Variants in ZNF407 observed in about 807,000 individuals in gnomAD.
ZNF407 encodes the protein zinc finger protein 407.
Under a neutral mutation model 131.2 loss-of-function variants are expected in ZNF407, and 17 were observed. The ratio of observed to expected loss-of-function variants is 0.13; its 90% CI spans 0.09 to 0.19. The LOEUF (loss-of-function observed/expected upper bound fraction) is 0.19. ZNF407 is among the 10% of genes least tolerant of loss of function. ZNF407 has a pLI of 1.00. For synonymous variants in ZNF407, 1,156 were observed against 1,062.0 expected (o/e 1.09, Z -1.72); for missense variants, 2,681 against 2,830.6 (o/e 0.95, Z 1.20).
At chr18:74,980,315 T>C (rs1398989134) in intron 8 of ZNF407, among the ~76,000 whole-genome samples, 1 of 151,970 alleles carries the variant, frequency 6.6e-6, no homozygotes, top group Non-Finnish European at 1.5e-5. Context: ...TGAATTTCTT[T>C]TTGTTTTTTG....
intron 8 of ZNF407, among the ~76,000 whole-genome samples, chr18:75,028,667 A>C (rs1973200111): frequency 6.6e-6 from 1 of 152,166 alleles, no homozygotes; most frequent in Admixed American, 6.5e-5. Context: ...CTAGGTACTG[A>C]GATAGAAGGG....
chr18:74,822,270 T>A (rs748149254), intron 4 of ZNF407, among the ~76,000 whole-genome samples: 5 of 152,250 alleles, frequency 3.3e-5, no homozygotes, highest in Non-Finnish European at 7.3e-5. Context: ...TTTAGTTTAA[T>A]TAGATCCCAT....
chr18:75,018,667 A>T (rs553054411), intron 8 of ZNF407, among the ~76,000 whole-genome samples: 1 of 152,112 alleles, frequency 6.6e-6, no homozygotes, highest in Non-Finnish European at 1.5e-5. Context: ...AAAATCTGAA[A>T]TAAAAATTTT....
intron 3 of ZNF407, among the ~76,000 whole-genome samples, chr18:74,682,444 T>G (rs1032995995): frequency 6.6e-6 from 1 of 152,200 alleles, no homozygotes. Context: ...GCCATGTCCA[T>G]CATTCTTTTT....
At chr18:74,753,713 C>T (rs1381456255) in intron 3 of ZNF407, among the ~76,000 whole-genome samples, 10 of 152,132 alleles carry the variant, frequency 6.6e-5, no homozygotes, top group Admixed American at 5.9e-4. Flanking sequence ...CCAACTTGAT[C>T]GTGGTGGATA....
intron 8 of ZNF407, among the ~76,000 whole-genome samples, chr18:75,019,527 C>G (rs938508540): frequency 6.6e-6 from 1 of 151,988 alleles, no homozygotes; most frequent in Non-Finnish European, 1.5e-5. Context: ...CAAGCCATTC[C>G]TAGTAGTGTG....
chr18:75,015,279 G>A (rs1973029608), intron 8 of ZNF407, among the ~76,000 whole-genome samples: 1 of 151,778 alleles, frequency 6.6e-6, no homozygotes, highest in Non-Finnish European at 1.5e-5. Context: ...TGTACCATGT[G>A]TAAAATTACT....
At chr18:74,966,471 C>A (rs573301649) in intron 8 of ZNF407, among the ~76,000 whole-genome samples, 26 of 152,130 alleles carry the variant, frequency 1.7e-4, no homozygotes, top group African/African-American at 6.3e-4. Flanking sequence ...ATGGGTTCAC[C>A]GTAGGTATGT....
intron 4 of ZNF407, among the ~76,000 whole-genome samples, chr18:74,783,130 A>C (rs548871232): frequency 3.1e-4 from 47 of 152,342 alleles, no homozygotes; most frequent in Non-Finnish European, 5.6e-4. Context: ...CACATGCATT[A>C]TCTCAGTCCT....
intron 4 of ZNF407, among the ~76,000 whole-genome samples, chr18:74,818,379 A>G (rs1218625951): frequency 2.0e-5 from 3 of 151,910 alleles, no homozygotes; most frequent in Non-Finnish European, 4.4e-5. Context: ...TGTGTGCTAC[A>G]TTTTTTTTGA....
At chr18:74,952,729 G>A (rs528525014) in intron 8 of ZNF407, among the ~76,000 whole-genome samples, 3 of 152,290 alleles carry the variant, frequency 2.0e-5, no homozygotes, top group Admixed American at 6.5e-5. Context: ...AGTGTACAGT[G>A]TGATGTGTTT....
intron 4 of ZNF407, among the ~76,000 whole-genome samples, chr18:74,827,646 C>T (rs990149306): frequency 1.3e-5 from 2 of 152,140 alleles, no homozygotes; most frequent in Non-Finnish European, 2.9e-5. Flanking sequence ...GTCTCTTTCT[C>T]CAGCTGTCTG....
chr18:75,034,645 A>T (rs1406732492), intron 8 of ZNF407, among the ~76,000 whole-genome samples: 1 of 150,778 alleles, frequency 6.6e-6, no homozygotes, highest in Non-Finnish European at 1.5e-5. Flanking sequence ...GGATGTAGTG[A>T]TTATTGTTTG....
chr18:74,965,869 G>A (rs1162236709), intron 8 of ZNF407, among the ~76,000 whole-genome samples: 1 of 152,138 alleles, frequency 6.6e-6, no homozygotes, highest in African/African-American at 2.4e-5. Context: ...GTGAGATGAT[G>A]CAATATCTCA....
At chr18:74,890,117 T>C (rs1172711514) in intron 7 of ZNF407, 79 bp downstream of exon 7, 5 of 1,342,230 alleles carry the variant, frequency 3.7e-6, no homozygotes, top group East Asian at 5.8e-5. Context: ...CAATTAGAAG[T>C]GTAGTTTTTC....
intron 4 of ZNF407, among the ~76,000 whole-genome samples, chr18:74,801,180 T>A (rs991815904): frequency 8.5e-5 from 13 of 152,230 alleles, no homozygotes; most frequent in Admixed American, 3.9e-4. Context: ...AATTATCAAC[T>A]AATTTTTAAA....
At chr18:74,800,777 T>G (rs1970006577) in intron 4 of ZNF407, among the ~76,000 whole-genome samples, 1 of 152,142 alleles carries the variant, frequency 6.6e-6, no homozygotes, top group Non-Finnish European at 1.5e-5. Flanking sequence ...TCAGGAAATG[T>G]TTCTGAAATT....
intron 3 of ZNF407, among the ~76,000 whole-genome samples, chr18:74,701,226 C>T (rs1237467447): frequency 6.6e-6 from 1 of 152,100 alleles, no homozygotes; most frequent in Non-Finnish European, 1.5e-5. Flanking sequence ...CTGTGGTGTT[C>T]TGTTAGGGCA....
chr18:75,006,767 G>T (rs1016542837), intron 8 of ZNF407, among the ~76,000 whole-genome samples: 1 of 152,084 alleles, frequency 6.6e-6, no homozygotes, highest in Admixed American at 6.5e-5. Flanking sequence ...TAATTTGTCT[G>T]CCATTTACCA....
Sources: allele counts gnomAD v4.1 joint callset (sites outside exome capture counted in the v4.1 genomes callset), GRCh38; gene constraint gnomAD v4.1.1; transcripts MANE v1.5; gene names NCBI Gene and HGNC (gene_info 2026-07-23, HGNC 2026-07-21).